The following LRP1B variants were observed in gnomAD, a reference collection of about 807,000 sequenced individuals.
LRP1B encodes the protein low-density lipoprotein receptor-related protein 1B.
A neutral mutation model predicts 556.6 loss-of-function variants in LRP1B; 217 were observed. That is an observed-to-expected ratio of 0.39 (90% CI 0.35 to 0.44). LRP1B has a LOEUF of 0.44. LRP1B is among the 20% of genes least tolerant of loss of function. The pLI is 1.00. For synonymous variants in LRP1B, 2,047 were observed against 1,865.8 expected (o/e 1.10, Z -2.50); for missense variants, 5,053 against 5,620.8 (o/e 0.90, Z 3.23).
At chr2:141,201,894 C>T (rs1682038522) in intron 6 of LRP1B, among the ~76,000 whole-genome samples, 1 of 152,142 alleles carries the variant, frequency 6.6e-6, no homozygotes, top group South Asian at 2.1e-4. Flanking sequence ...CCAAGAAACC[C>T]AGTGACCAAA....
chr2:141,279,300 A>T (rs1045399596), intron 3 of LRP1B, among the ~76,000 whole-genome samples: 4 of 152,216 alleles, frequency 2.6e-5, no homozygotes, highest in African/African-American at 9.6e-5. Context: ...GCATATACTC[A>T]GGAGAATTCA....
intron 2 of LRP1B, among the ~76,000 whole-genome samples, chr2:141,755,547 T>A (rs1694286962): frequency 6.6e-6 from 1 of 152,080 alleles, no homozygotes; most frequent in Non-Finnish European, 1.5e-5. Context: ...AGAAAAATCA[T>A]GTTTACTGCT....
At chr2:141,000,576 A>G (rs1349577848) in intron 15 of LRP1B, among the ~76,000 whole-genome samples, 1 of 151,896 alleles carries the variant, frequency 6.6e-6, no homozygotes, top group Non-Finnish European at 1.5e-5. Context: ...GTCAGTGTAT[A>G]CCCCAGTGAG....
intron 3 of LRP1B, among the ~76,000 whole-genome samples, chr2:141,349,878 G>T (rs1473706262): frequency 6.6e-6 from 1 of 152,040 alleles, no homozygotes; most frequent in African/African-American, 2.4e-5. Flanking sequence ...AATGGTTGTT[G>T]TATTAGTCTG....
intron 7 of LRP1B, among the ~76,000 whole-genome samples, chr2:141,164,895 A>C (rs1161975675): frequency 6.6e-6 from 1 of 151,976 alleles, no homozygotes; most frequent in Non-Finnish European, 1.5e-5. Context: ...CTAACTACTA[A>C]AGTTACTAAC....
At chr2:140,474,152 G>A (rs1195993498) in intron 60 of LRP1B, among the ~76,000 whole-genome samples, 1 of 151,954 alleles carries the variant, frequency 6.6e-6, no homozygotes, top group Admixed American at 6.6e-5. Flanking sequence ...ATGAAAAGAT[G>A]TATTTGTTTA....
At chr2:141,238,864 G>C (rs935908841) in intron 5 of LRP1B, among the ~76,000 whole-genome samples, 1 of 152,006 alleles carries the variant, frequency 6.6e-6, no homozygotes, top group African/African-American at 2.4e-5. Flanking sequence ...GCATTATTAA[G>C]ATAGAAAATC....
At position 140,238,168 on chromosome 2, in the gene LRP1B, A is replaced by G; in HGVS notation, c.13544T>C (p.Met4515Thr). The G allele has an allele frequency of 6.2e-7, 1 of 1,603,904 alleles. No individual in the cohort carries two copies. Among genetic ancestry groups the G allele is most frequent in the Admixed American group, 1.7e-5 (1 of 59,208 alleles). Reference protein sequence around the residue: ...NDGGLLDPGFMIDPTKARYIG... With the variant: ...NDGGLLDPGFTIDPTKARYIG... The stretch of plus-strand genomic sequence containing the variant: ...ACATACTACCTTTGTTGGGTCTATC[A>G]TAAAGCCAGGATCTAAAAGACCTCC... The change falls in exon 89 of 91, where the codon ATG becomes ACG. Residue 4515 changes from methionine (M) to threonine (T), a missense_variant. This residue lies in a region of LRP1B where 551 missense variants were observed against 592.0 expected (regional missense o/e 0.93). Transcript: ENST00000389484.
intron 41 of LRP1B, among the ~76,000 whole-genome samples, chr2:140,686,436 G>C (rs78766165): frequency 0.012 from 1,863 of 152,114 alleles, 36 homozygotes; most frequent in African/African-American, 0.043. Flanking sequence ...GATAAGAAAA[G>C]TAGTTAGTGA....
intron 35 of LRP1B, among the ~76,000 whole-genome samples, chr2:140,753,904 C>T (rs1438380071): frequency 6.6e-6 from 1 of 152,262 alleles, no homozygotes; most frequent in East Asian, 1.9e-4. Flanking sequence ...CTCCACCCAT[C>T]CTGTACTCAT....
intron 1 of LRP1B, among the ~76,000 whole-genome samples, chr2:142,112,469 A>C (rs1707036895): frequency 6.6e-6 from 1 of 152,104 alleles, no homozygotes; most frequent in African/African-American, 2.4e-5. Flanking sequence ...AGAAAATTGG[A>C]AAAATGTAAA....
At chr2:141,370,103 A>G (rs754037702) in intron 3 of LRP1B, among the ~76,000 whole-genome samples, 1 of 152,174 alleles carries the variant, frequency 6.6e-6, no homozygotes, top group Non-Finnish European at 1.5e-5. Context: ...TGCAATAAAC[A>G]TATGAGTGCA....
chr2:141,597,897 GT>G (rs1238091088), intron 2 of LRP1B, among the ~76,000 whole-genome samples: 11 of 151,762 alleles, frequency 7.2e-5, no homozygotes, highest in African/African-American at 2.7e-4. Flanking sequence ...TCGTCTTGTT[GT>G]TTGTTTCTTT....
At chr2:140,487,989 A>G (rs1004936001) in intron 57 of LRP1B, among the ~76,000 whole-genome samples, 5 of 152,012 alleles carry the variant, frequency 3.3e-5, no homozygotes, top group African/African-American at 4.8e-5. Context: ...AATATTTACA[A>G]TGGTTTTAAA....
At chr2:141,586,132 CTCTTT>C (rs1298680382) in intron 2 of LRP1B, among the ~76,000 whole-genome samples, 8 of 152,170 alleles carry the variant, frequency 5.3e-5, no homozygotes, top group Admixed American at 2.6e-4. Context: ...CAATTCACGT[CTCTTT>C]TCTTTTCTTT....
At chr2:141,940,078 C>T (rs7592904) in intron 1 of LRP1B, among the ~76,000 whole-genome samples, 132,554 of 152,060 alleles carry the variant, frequency 0.87, 57,860 homozygotes, top group East Asian at 1. Flanking sequence ...GCAAATCTGA[C>T]AGACTCAATT....
intron 1 of LRP1B, among the ~76,000 whole-genome samples, chr2:142,038,004 G>A (rs1401751554): frequency 1.3e-5 from 2 of 151,458 alleles, no homozygotes; most frequent in Non-Finnish European, 3.0e-5. Context: ...GTGCTCTTAT[G>A]TTTAAGGGAT....
chr2:141,354,762 T>C (rs1185228730), intron 3 of LRP1B, among the ~76,000 whole-genome samples: 2 of 151,282 alleles, frequency 1.3e-5, no homozygotes, highest in Non-Finnish European at 2.9e-5. Context: ...TAAAGTGCAA[T>C]CAACCCTGCA....
chr2:140,413,892 A>G (rs1685067812), intron 66 of LRP1B, among the ~76,000 whole-genome samples: 1 of 151,952 alleles, frequency 6.6e-6, no homozygotes, highest in African/African-American at 2.4e-5. Context: ...GATAGTTCAT[A>G]TCTTTTTTTC....
Sources: gnomAD v4.1 joint callset for allele counts (sites outside exome capture counted in the v4.1 genomes callset) on GRCh38, gnomAD v4.1.1 for gene constraint, gnomAD v4.1.1 regional missense constraint, MANE v1.5 for transcripts, NCBI Gene and HGNC (gene_info 2026-07-23, HGNC 2026-07-21) for gene names.